Variants in NMT2 observed in about 807,000 individuals in gnomAD.
NMT2 encodes N-myristoyltransferase 2.
In NMT2, 35 loss-of-function variants were observed where a neutral mutation model predicts 65.4. The ratio of observed to expected loss-of-function variants is 0.54; its 90% CI spans 0.41 to 0.71. NMT2 has a LOEUF of 0.71. NMT2 is among the 30% of genes least tolerant of loss of function. The pLI, the probability that NMT2 is intolerant of heterozygous loss-of-function variation, is 0.00. For missense variants in NMT2, 489 were observed against 611.3 expected (o/e 0.80, Z 2.11); for synonymous variants, 226 against 231.8 (o/e 0.98, Z 0.23).
At chr10:15,123,470 A>G (rs918400750) in intron 8 of NMT2, among the ~76,000 whole-genome samples, 3 of 144,372 alleles carry the variant, frequency 2.1e-5, no homozygotes, top group Non-Finnish European at 3.0e-5. Flanking sequence ...CGGGGGTTGC[A>G]GTGAGCCAAG....
chr10:15,154,290 G>T (rs1832912602), intron 1 of NMT2, among the ~76,000 whole-genome samples: 1 of 152,336 alleles, frequency 6.6e-6, no homozygotes, highest in Admixed American at 6.5e-5. Context: ...GGCCATGAGG[G>T]TCCAGCAATA....
chr10:15,123,476 C>T (rs1359085309), intron 8 of NMT2, among the ~76,000 whole-genome samples: 1 of 146,652 alleles, frequency 6.8e-6, no homozygotes. Flanking sequence ...TTGCAGTGAG[C>T]CAAGATCGCA....
rs1356674063 is a variant in NMT2 at position 15,130,899 on chromosome 10, C to T, written c.720-587G>A. On this transcript the variant is annotated intron_variant, in intron 6 of 11. Transcript: ENST00000378165. ...CTTACTCCTGGGTTCAAACGATTCT[C>T]CTGCGTCAGCCTCCTAAGTAGCTGG... Among the ~76,000 whole-genome samples the T allele has an allele frequency of 3.3e-5, 5 of 149,704 alleles. No individual in the cohort carries two copies. The East Asian group carries it at 9.9e-4, about 30-fold the overall frequency.
chr10:15,110,222 G>A (rs182877602), intron 10 of NMT2, among the ~76,000 whole-genome samples: 23 of 152,170 alleles, frequency 1.5e-4, no homozygotes, highest in South Asian at 1.5e-3. Flanking sequence ...GCAGTGAGCC[G>A]AGATTGTGCC....
chr10:15,124,474 T>C (rs1846018389), intron 8 of NMT2, among the ~76,000 whole-genome samples: 1 of 152,266 alleles, frequency 6.6e-6, no homozygotes, highest in South Asian at 2.1e-4. Context: ...GGCTGTTAAA[T>C]GTCGAGCATA....
chr10:15,130,720 A>AG (rs1347628396), intron 6 of NMT2, among the ~76,000 whole-genome samples: 44 of 150,174 alleles, frequency 2.9e-4, no homozygotes, highest in African/African-American at 1.0e-3. Flanking sequence ...AAAAAAAAAA[A>AG]AAAAAAAGAA....
At chr10:15,127,055 A>T (rs771106962) in intron 8 of NMT2, among the ~76,000 whole-genome samples, 9 of 150,762 alleles carry the variant, frequency 6.0e-5, no homozygotes, top group Non-Finnish European at 1.2e-4. Flanking sequence ...ACATGGTGAA[A>T]CCCCCGCCAT....
chr10:15,165,785 G>A (rs2131645151), intron 1 of NMT2, among the ~76,000 whole-genome samples: 1 of 151,658 alleles, frequency 6.6e-6, no homozygotes, highest in South Asian at 2.1e-4. Context: ...GGCTGAGACA[G>A]GAGAATTGCT....
chr10:15,155,142 A>G, intron 1 of NMT2: 3 of 1,512,204 alleles, frequency 2.0e-6, no homozygotes, highest in South Asian at 2.2e-5. Flanking sequence ...ACCCTGACAC[A>G]AAAGCCCTAG....
chr10:15,132,880 G>A lies in NMT2; in HGVS notation c.656C>T (p.Ser219Phe). Residue 219 changes from serine (S) to phenylalanine (F), a missense_variant, in exon 6 of 12, where the codon TCT (serine) becomes TTT (phenylalanine). Ser to Phe is a radical substitution (Grantham distance 155). Transcript: ENST00000378165. The stretch of plus-strand genomic sequence containing the variant: ...GAACCCGACCAGTTTTTTATTTGAA[G>A]ACACTCTGACCCCACAGTGCCACTG... ...LLQWHCGVRV[S>F]SNKKLVGFIS... 1 of 1,613,966 alleles carries A rather than the reference G, an allele frequency of 6.2e-7. No homozygotes were observed. Among genetic ancestry groups the A allele is most frequent in the Non-Finnish European group, 8.5e-7 (1 of 1,179,914 alleles).
chr10:15,167,192 AT>A (rs762912981), intron 1 of NMT2, among the ~76,000 whole-genome samples: 13 of 152,112 alleles, frequency 8.5e-5, no homozygotes, highest in Admixed American at 3.9e-4. Context: ...AAAAAAAAAA[AT>A]ATTCTAGACT....
At chr10:15,129,968 C>G (rs1846219392) in intron 7 of NMT2, among the ~76,000 whole-genome samples, 174 bp downstream of exon 7, 1 of 139,544 alleles carries the variant, frequency 7.2e-6, no homozygotes, top group South Asian at 2.3e-4. Context: ...ATGTCAAAAA[C>G]TTTTTTTTAA....
At position 15,108,648 on chromosome 10, in the gene NMT2, C is replaced by G; in HGVS notation, c.*547G>C. 3.0e-6 allele frequency: 3 copies of G among 989,356 alleles called. No individual in the cohort carries two copies. Among genetic ancestry groups the G allele is most frequent in the Non-Finnish European group, 3.6e-6 (3 of 832,922 alleles). The allele number at this position is 989,356 out of a possible 1,614,324, so 61.3% of individuals were successfully genotyped here. On this transcript the variant is annotated 3_prime_UTR_variant, in exon 12 of 12. Transcript: ENST00000378165. ...TAGTCACCAGTACATTTTAATATTG[C>G]TCTGCACTTAAACAACCACCACCTG... is the stretch of plus-strand genomic sequence containing the variant.
At position 15,109,197 on chromosome 10, in the gene NMT2, A is replaced by G. The variant is rs556225662; in HGVS notation, c.1495T>C (p.Ter499GlnextTer17). The G allele has an allele frequency of 5.0e-6, 8 of 1,604,252 alleles. No individual in the cohort carries two copies. The African/African-American group carries it at 6.7e-5, about 13-fold the overall frequency. The change falls in exon 12 of 12, where the codon TAG (stop) becomes CAG (glutamine). Residue 499 changes from the stop codon to glutamine (Q), a stop_lost. Transcript: ENST00000378165. ...GTTCTAGAAATAAAAATATCCATCT[A>G]TTGTAGTACTAGTCCAACCTGAAGG... ...DSEKVGLVLQ[*>Q]
intron 1 of NMT2, among the ~76,000 whole-genome samples, chr10:15,165,535 A>C (rs967809137): frequency 6.6e-6 from 1 of 151,934 alleles, no homozygotes; most frequent in South Asian, 2.1e-4. Flanking sequence ...AATTCATGAA[A>C]GTTTTATAGT....
intron 9 of NMT2, among the ~76,000 whole-genome samples, chr10:15,118,219 A>G (rs1274675230): frequency 6.6e-6 from 1 of 152,238 alleles, no homozygotes; most frequent in African/African-American, 2.4e-5. Context: ...AACGCAATAC[A>G]AAGTGTTAGT....
chr10:15,134,530 C>T (rs1846404159), intron 3 of NMT2, among the ~76,000 whole-genome samples: 1 of 152,242 alleles, frequency 6.6e-6, no homozygotes, highest in South Asian at 2.1e-4. Context: ...CCGCTCCTCC[C>T]CAGCCTGGCC....
At chr10:15,122,337 A>G (rs1229142272) in intron 8 of NMT2, among the ~76,000 whole-genome samples, 2 of 152,198 alleles carry the variant, frequency 1.3e-5, no homozygotes, top group African/African-American at 4.8e-5. Flanking sequence ...TGAATATCCA[A>G]CTGTGAAACC....
chr10:15,112,180 A>ATATATT (rs1845545122), intron 10 of NMT2, among the ~76,000 whole-genome samples: 1 of 7,186 alleles, frequency 1.4e-4, no homozygotes, highest in Non-Finnish European at 2.5e-4. Flanking sequence ...GGCTTTATAT[A>ATATATT]TATATATATA....
Sources: gnomAD v4.1 joint callset for allele counts (sites outside exome capture counted in the v4.1 genomes callset) on GRCh38, gnomAD v4.1.1 for gene constraint, MANE v1.5 for transcripts, NCBI Gene and HGNC (gene_info 2026-07-23, HGNC 2026-07-21) for gene names.